TXNDC16: variants seen among roughly 807,000 people sequenced by gnomAD.
The protein encoded by TXNDC16 is thioredoxin domain containing 16, also known as thioredoxin domain-containing protein 16.
In TXNDC16, 74 loss-of-function variants were observed where a neutral mutation model predicts 85.6. That is an observed-to-expected ratio of 0.86 (90% CI 0.72 to 1.05). The LOEUF (loss-of-function observed/expected upper bound fraction) is 1.05, where lower values mean the gene tolerates loss of function less well. Ranked by LOEUF, TXNDC16 falls within the 50% of genes least tolerant of loss-of-function variation. The pLI, the probability that TXNDC16 is intolerant of heterozygous loss-of-function variation, is 0.00. For synonymous variants in TXNDC16, 335 were observed against 326.5 expected (o/e 1.03, Z -0.28); for missense variants, 959 against 947.0 (o/e 1.01, Z -0.17).
intron 14 of TXNDC16, among the ~76,000 whole-genome samples, chr14:52,471,538 T>C (rs914010272): frequency 6.6e-6 from 1 of 152,198 alleles, no homozygotes; most frequent in Non-Finnish European, 1.5e-5. Context: ...TGACATATGC[T>C]ATTATAGAAC....
At chr14:52,512,079 T>G (rs957771493) in intron 8 of TXNDC16, among the ~76,000 whole-genome samples, 1 of 152,212 alleles carries the variant, frequency 6.6e-6, no homozygotes, top group Non-Finnish European at 1.5e-5. Context: ...TTTAAAATGC[T>G]ATTTTAATTC....
intron 17 of TXNDC16, 52 bp downstream of exon 17, chr14:52,457,038 A>G (rs2035550905): frequency 1.6e-6 from 2 of 1,245,106 alleles, no homozygotes; most frequent in Non-Finnish European, 1.1e-6. Flanking sequence ...ATTAGATAAC[A>G]TTATTTTGCA....
intron 18 of TXNDC16, among the ~76,000 whole-genome samples, chr14:52,454,176 A>T (rs2035474500): frequency 6.6e-6 from 1 of 152,192 alleles, no homozygotes; most frequent in Admixed American, 6.5e-5. Flanking sequence ...CTGTAATCTC[A>T]GCACTTTGGG....
intron 14 of TXNDC16, among the ~76,000 whole-genome samples, chr14:52,481,000 T>A (rs1034978837): frequency 1.1e-4 from 14 of 128,292 alleles, no homozygotes; most frequent in Admixed American, 4.1e-4. Context: ...TATATATATA[T>A]AATGGAATAC....
intron 6 of TXNDC16, among the ~76,000 whole-genome samples, chr14:52,531,215 T>C (rs1233095547): frequency 6.6e-6 from 1 of 152,166 alleles, no homozygotes; most frequent in Non-Finnish European, 1.5e-5. Flanking sequence ...CATTCATTGC[T>C]GGTGGGAATG....
Position 52,478,475 on chromosome 14 carries a change from T to C in TXNDC16, c.1312+3755A>G, listed in dbSNP as rs569135136. On this transcript the variant is annotated intron_variant, in intron 14 of 20. Transcript: ENST00000281741. ...AAAGAGGAAATCCAAATAAGCTCTA[T>C]TAGAAACGAAATGGGAGATATCACA... Among the ~76,000 whole-genome samples the C allele has an allele frequency of 9.9e-5, 15 of 152,230 alleles. No individual in the cohort carries two copies. The South Asian group carries it at 2.5e-3, about 25-fold the overall frequency.
chr14:52,447,508 G>A (rs921815683), intron 18 of TXNDC16, among the ~76,000 whole-genome samples: 2 of 152,198 alleles, frequency 1.3e-5, no homozygotes, highest in Non-Finnish European at 2.9e-5. Context: ...CAGTGCCAGT[G>A]GTGGTGGCCC....
At chr14:52,498,276 T>C (rs956249677) in intron 9 of TXNDC16, among the ~76,000 whole-genome samples, 1 of 152,082 alleles carries the variant, frequency 6.6e-6, no homozygotes, top group African/African-American at 2.4e-5. Flanking sequence ...TTATTCAACA[T>C]AGAACTGAAA....
Position 52,552,441 on chromosome 14 carries a change from A to C in TXNDC16, c.-307T>G, listed in dbSNP as rs537838076. 4 of 152,284 alleles carry C rather than the reference A, an allele frequency of 2.6e-5. No individual in the cohort carries two copies. Among genetic ancestry groups the C allele is most frequent in the African/African-American group, 9.6e-5 (4 of 41,556 alleles). The allele number at this position is 152,284 out of a possible 1,614,324, so 9.4% of individuals were successfully genotyped here. A position where few individuals can be genotyped will look rare whatever the true frequency, so the allele number is the denominator to read the frequency against. Reference sequence around the variant, plus strand: ...GTGCCAGACTAGCCGGGTAGCCTGGAACCACTTCGCCAACCTGCAAAGGCG... The same window carrying C: ...GTGCCAGACTAGCCGGGTAGCCTGGCACCACTTCGCCAACCTGCAAAGGCG... On this transcript the variant is annotated 5_prime_UTR_variant, in exon 1 of 21. Coordinates refer to ENST00000281741, the MANE Select transcript of TXNDC16 (RefSeq NM_020784.3).
intron 9 of TXNDC16, among the ~76,000 whole-genome samples, chr14:52,496,257 A>C (rs2140161353): frequency 6.6e-6 from 1 of 152,072 alleles, no homozygotes; most frequent in East Asian, 1.9e-4. Context: ...CTCCTAGTTG[A>C]AGCGGGGAAA....
At chr14:52,549,470 T>C (rs905799545) in intron 1 of TXNDC16, among the ~76,000 whole-genome samples, 1 of 152,138 alleles carries the variant, frequency 6.6e-6, no homozygotes, top group Non-Finnish European at 1.5e-5. Flanking sequence ...AAGGAGGAAG[T>C]ACTTCAAGAG....
intron 20 of TXNDC16, among the ~76,000 whole-genome samples, chr14:52,437,291 T>C (rs563840296): frequency 3.9e-5 from 6 of 152,222 alleles, no homozygotes; most frequent in Admixed American, 3.3e-4. Context: ...TGATCTTATA[T>C]ACAGAAAACG....
intron 9 of TXNDC16, among the ~76,000 whole-genome samples, chr14:52,509,119 T>C (rs2036891373): frequency 6.6e-6 from 1 of 151,960 alleles, no homozygotes; most frequent in Non-Finnish European, 1.5e-5. Flanking sequence ...TCAGAGAATC[T>C]TCCTCCTTAT....
intron 14 of TXNDC16, among the ~76,000 whole-genome samples, chr14:52,481,486 G>T (rs2036149771): frequency 6.6e-6 from 1 of 152,126 alleles, no homozygotes; most frequent in Non-Finnish European, 1.5e-5. Flanking sequence ...CAAAATTTAT[G>T]AAACTCTATT....
chr14:52,441,616 A>G (rs2140102881), intron 18 of TXNDC16, among the ~76,000 whole-genome samples: 1 of 151,782 alleles, frequency 6.6e-6, no homozygotes, highest in African/African-American at 2.4e-5. Context: ...AAAAAAAAAA[A>G]CCCAAAAAAC....
intron 16 of TXNDC16, among the ~76,000 whole-genome samples, chr14:52,463,249 G>A (rs909288705): frequency 2.0e-5 from 3 of 151,684 alleles, no homozygotes; most frequent in Non-Finnish European, 4.4e-5. Context: ...ACACAAAGCC[G>A]TGGAGCTTCA....
chr14:52,451,009 G>C (rs767631990), intron 18 of TXNDC16, among the ~76,000 whole-genome samples: 3 of 151,786 alleles, frequency 2.0e-5, no homozygotes, highest in Non-Finnish European at 4.4e-5. Flanking sequence ...ATTATTCTAA[G>C]TAAAGTAACT....
At chr14:52,522,339 A>G (rs918784957) in intron 6 of TXNDC16, among the ~76,000 whole-genome samples, 6 of 152,168 alleles carry the variant, frequency 3.9e-5, no homozygotes, top group African/African-American at 9.7e-5. Flanking sequence ...CAATTTATCA[A>G]TTTGGGGGCT....
At chr14:52,529,763 T>C (rs1336363118) in intron 6 of TXNDC16, among the ~76,000 whole-genome samples, 1 of 118,620 alleles carries the variant, frequency 8.4e-6, no homozygotes, top group Non-Finnish European at 1.6e-5. Flanking sequence ...ATATAATACC[T>C]ATTATATATA....
Sources: allele counts gnomAD v4.1 joint callset (sites outside exome capture counted in the v4.1 genomes callset), GRCh38; gene constraint gnomAD v4.1.1; transcripts MANE v1.5; gene names NCBI Gene and HGNC (gene_info 2026-07-23, HGNC 2026-07-21).